ACAD9: variants seen among roughly 807,000 people sequenced by gnomAD.
ACAD9 encodes the protein complex I assembly factor ACAD9, mitochondrial.
A neutral mutation model predicts 70.2 loss-of-function variants in ACAD9; 53 were observed. The observed-to-expected ratio is 0.75, with a 90% CI of 0.61 to 0.95. ACAD9 has a LOEUF of 0.95. Ranked by LOEUF, ACAD9 falls within the 40% of genes least tolerant of loss-of-function variation. The pLI, the probability that ACAD9 is intolerant of heterozygous loss-of-function variation, is 0.00. For missense variants in ACAD9, 777 were observed against 802.8 expected, an observed-to-expected ratio of 0.97 and a Z score of 0.39; for synonymous variants, 313 against 312.1, an observed-to-expected ratio of 1.00 and a Z score of -0.03.
rs371702061 is a variant in ACAD9, at chr3:128,912,724, C to T, written c.*117C>T. On this transcript the variant is annotated 3_prime_UTR_variant, in exon 18 of 18. Coordinates refer to ENST00000308982, the MANE Select transcript of ACAD9 (RefSeq NM_014049.5). ...ATCACAGGTTAAGCCTTTTGTTCCC[C>T]GTCTGCACCTGAAGGGTTGTCGCCT... 1.5e-5 allele frequency: 15 copies of T among 978,046 alleles called. No homozygotes were observed. Among genetic ancestry groups the T allele is most frequent in the African/African-American group, 8.0e-5 (5 of 62,788 alleles). 60.6% of individuals were successfully genotyped at this position (978,046 alleles called of 1,614,324 possible). A position where few individuals can be genotyped will look rare whatever the true frequency, so the allele number is the denominator to read the frequency against.
chr3:128,883,079 T>C (rs1935139447), intron 1 of ACAD9, among the ~76,000 whole-genome samples: 1 of 151,678 alleles, frequency 6.6e-6, no homozygotes, highest in Admixed American at 6.5e-5. Flanking sequence ...GCTTGTTTTT[T>C]TTTTTTTTTC....
At chr3:128,911,392 C>T (rs1308326490) in intron 17 of ACAD9, among the ~76,000 whole-genome samples, 1 of 152,012 alleles carries the variant, frequency 6.6e-6, no homozygotes, top group Non-Finnish European at 1.5e-5. Context: ...AAGTGCAGAG[C>T]CCTTTGCGCA....
chr3:128,879,976 C>T (rs1354496969), intron 1 of ACAD9, 135 bp downstream of exon 1: 4 of 1,556,842 alleles, frequency 2.6e-6, no homozygotes, highest in East Asian at 2.4e-5. Context: ...CGTGTTAACA[C>T]TCCGGATTCC....
At chr3:128,893,103 T>C (rs529906234) in intron 2 of ACAD9, among the ~76,000 whole-genome samples, 1 of 152,080 alleles carries the variant, frequency 6.6e-6, no homozygotes, top group East Asian at 1.9e-4. Flanking sequence ...CCCAGTACTT[T>C]GCGAGGCTGT....
intron 6 of ACAD9, among the ~76,000 whole-genome samples, chr3:128,898,088 C>A (rs1268309832): frequency 6.6e-6 from 1 of 152,182 alleles, no homozygotes; most frequent in African/African-American, 2.4e-5. Flanking sequence ...AACTCCTGAC[C>A]TCAAGTGATC....
intron 2 of ACAD9, among the ~76,000 whole-genome samples, chr3:128,889,512 C>G (rs1935355139): frequency 6.6e-6 from 1 of 152,230 alleles, no homozygotes; most frequent in South Asian, 2.1e-4. Flanking sequence ...CATTACCCGT[C>G]AAAGTTTCCT....
chr3:128,904,142 G>A lies in ACAD9; in HGVS notation c.1029+10G>A, dbSNP rs377266080. 6.2e-7 allele frequency: 1 copy of A among 1,613,790 alleles called. No homozygotes were observed. The highest frequency in any genetic ancestry group is 1.1e-5 in the South Asian group (1 of 91,076). ...ATTTGGATTGATTCAGGTACCAATG[G>A]TTGAGTACTGTATTTGTGCATTTCA... On this transcript the variant is annotated intron_variant, in intron 10 of 17. Transcript: ENST00000308982.
intron 17 of ACAD9, among the ~76,000 whole-genome samples, chr3:128,911,595 G>T (rs1164431172): frequency 6.6e-6 from 1 of 151,720 alleles, no homozygotes; most frequent in Non-Finnish European, 1.5e-5. Context: ...GCACCACCAT[G>T]CCCAGCTAAT....
Position 128,910,891 on chromosome 3 carries a change from T to C in ACAD9, c.1765+78T>C, listed in dbSNP as rs190759235. ...TTGATGGTGAGCTGTTTCTGGACCC[T>C]GTCAAGCTCCCAGAGCCTGCTAGCT... is the stretch of plus-strand genomic sequence containing the variant. On this transcript the variant is annotated intron_variant, in intron 17 of 17. Transcript: ENST00000308982. The C allele has an allele frequency of 1.7e-4, 265 of 1,530,648 alleles. 2 individuals are homozygous for C. In the East Asian group the frequency reaches 5.3e-3, roughly 31 times the overall value. 94.8% of individuals were successfully genotyped at this position (1,530,648 alleles called of 1,614,324 possible). A position where few individuals can be genotyped will look rare whatever the true frequency, so the allele number is the denominator to read the frequency against.
Position 128,912,850 on chromosome 3 carries a change from T to A in ACAD9, c.*243T>A, listed in dbSNP as rs1182323257. On this transcript the variant is annotated 3_prime_UTR_variant, in exon 18 of 18. Coordinates refer to ENST00000308982, the MANE Select transcript of ACAD9 (RefSeq NM_014049.5). ...AGCCGGAGAGAGAGAATGGAATTGCTGACCCCTGGAACTGGCGGGTATTCT... is the reference window on the plus strand; with the variant it reads ...AGCCGGAGAGAGAGAATGGAATTGCAGACCCCTGGAACTGGCGGGTATTCT... The A allele has an allele frequency of 1.5e-6, 1 of 664,634 alleles. No homozygotes were observed. Among genetic ancestry groups the A allele is most frequent in the African/African-American group, 1.8e-5 (1 of 56,752 alleles). 41.2% of individuals were successfully genotyped at this position (664,634 alleles called of 1,614,324 possible).
At chr3:128,891,130 T>A (rs1391258859) in intron 2 of ACAD9, among the ~76,000 whole-genome samples, 1 of 152,108 alleles carries the variant, frequency 6.6e-6, no homozygotes, top group Non-Finnish European at 1.5e-5. Context: ...TGAGCCACCG[T>A]GCCCGGCCAG....
In ACAD9 at chr3:128,897,873, T is replaced by A. The variant is rs76764354; in HGVS notation, c.633+163T>A. Among the ~76,000 whole-genome samples the A allele has an allele frequency of 0.025, 3,877 of 152,278 alleles. 75 individuals carry two copies. The highest frequency in any genetic ancestry group is 0.042 in the Non-Finnish European group (2,836 of 68,012). ...GTTTTTAATTTTTTTTAGTTTTTTT[T>A]ATTTGCGATGGAGTCTCTGTCACCC... is the stretch of plus-strand genomic sequence containing the variant. On this transcript the variant is annotated intron_variant, in intron 6 of 17. Transcript: ENST00000308982.
chr3:128,892,242 A>G (rs1276874621), intron 2 of ACAD9, among the ~76,000 whole-genome samples: 2 of 152,198 alleles, frequency 1.3e-5, no homozygotes, highest in African/African-American at 2.4e-5. Context: ...AACAAATTAT[A>G]TATTATAAAT....
In ACAD9 at chr3:128,912,993, C is replaced by CT. The variant is rs1559840664; in HGVS notation, c.*387dup. 2.2e-6 allele frequency: 1 copy of CT among 464,970 alleles called. No homozygotes were observed. Among genetic ancestry groups the CT allele is most frequent in the African/African-American group, 2.0e-5 (1 of 50,514 alleles). The allele number at this position is 464,970 out of a possible 1,614,324, so 28.8% of individuals were successfully genotyped here. A position where few individuals can be genotyped will look rare whatever the true frequency, so the allele number is the denominator to read the frequency against. On this transcript the variant is annotated 3_prime_UTR_variant, in exon 18 of 18. Transcript: ENST00000308982. ...CCATTTCTGCTCAACCACACATTCT[C>CT]TAAGAAACAGCTTGAAAGCTCTGTC... is the stretch of plus-strand genomic sequence containing the variant.
At position 128,910,737 on chromosome 3, in the gene ACAD9, G is replaced by A. The variant is rs1181399138; in HGVS notation, c.1693-4G>A. 6.2e-7 allele frequency: 1 copy of A among 1,614,074 alleles called. No individual in the cohort carries two copies. The highest frequency in any genetic ancestry group is 1.7e-5 in the Admixed American group (1 of 60,000). The stretch of plus-strand genomic sequence containing the variant: ...CATATCTTTTCTGTCCTCGGTTCTG[G>A]CAGGTTCTCTTGGCCAACACCTTCT... On this transcript the variant is annotated splice_polypyrimidine_tract_variant and splice_region_variant and intron_variant, in intron 16 of 17. Coordinates refer to ENST00000308982, the MANE Select transcript of ACAD9 (RefSeq NM_014049.5).
At chr3:128,907,975 A>G (rs545536254) in intron 12 of ACAD9, among the ~76,000 whole-genome samples, 1 of 152,298 alleles carries the variant, frequency 6.6e-6, no homozygotes, top group South Asian at 2.1e-4. Flanking sequence ...GGGGGGTCCC[A>G]GTGGGAGCTC....
intron 6 of ACAD9, 115 bp from the exon 7 acceptor site, chr3:128,899,172 C>T (rs902369127): frequency 1.1e-5 from 12 of 1,082,350 alleles, no homozygotes; most frequent in African/African-American, 7.8e-5. Context: ...AGCCAAGGAC[C>T]CTGCATGTCT....
chr3:128,906,606 G>A (rs112307306), intron 12 of ACAD9, among the ~76,000 whole-genome samples: 70 of 152,300 alleles, frequency 4.6e-4, no homozygotes, highest in African/African-American at 1.6e-3. Context: ...TGAAGCATGC[G>A]CTCCTGGCCC....
At chr3:128,908,403 TC>T (rs1312045811) in intron 13 of ACAD9, 139 bp downstream of exon 13, 1 of 1,030,684 alleles carries the variant, frequency 9.7e-7, no homozygotes, top group African/African-American at 1.6e-5. Flanking sequence ...GAGGGGACCT[TC>T]CCCTGTGGTA....
Sources: allele counts gnomAD v4.1 joint callset (sites outside exome capture counted in the v4.1 genomes callset), GRCh38; gene constraint gnomAD v4.1.1; transcripts MANE v1.5; gene names NCBI Gene and HGNC (gene_info 2026-07-23, HGNC 2026-07-21).